DHCR7: variants seen among roughly 807,000 people sequenced by gnomAD.
The protein encoded by DHCR7 is 7-DHC reductase.
DHCR7 carries 40 observed loss-of-function variants against 43.3 expected under a neutral mutation model. That is an observed-to-expected ratio of 0.92 (90% CI 0.72 to 1.20). The LOEUF (loss-of-function observed/expected upper bound fraction) is 1.20. Ranked by LOEUF, DHCR7 falls within the 50% of genes most tolerant of loss-of-function variation. The pLI is 0.00. For synonymous variants in DHCR7, 298 were observed against 271.4 expected, an observed-to-expected ratio of 1.10 and a Z score of -0.96; for missense variants, 608 against 644.6, an observed-to-expected ratio of 0.94 and a Z score of 0.62.
downstream of DHCR7, among the ~76,000 whole-genome samples, chr11:71,427,830 A>G (rs1343469116): frequency 2.0e-5 from 3 of 152,186 alleles, no homozygotes; most frequent in East Asian, 5.8e-4. Context: ...AGCTCATTTG[A>G]GATTAAGCAG....
At chr11:71,439,165 C>T in intron 6 of DHCR7, 82 bp from the exon 7 acceptor site, 1 of 1,394,826 alleles carries the variant, frequency 7.2e-7, no homozygotes, top group South Asian at 1.2e-5. Context: ...GAGAGCCCAG[C>T]ACTGGCCCAG....
At chr11:71,440,799 T>C (rs977718948) in intron 6 of DHCR7, among the ~76,000 whole-genome samples, 2 of 151,834 alleles carry the variant, frequency 1.3e-5, no homozygotes, top group Non-Finnish European at 2.9e-5. Context: ...TGTCCAGCCA[T>C]GGGAATGGGT....
rs183670731 is a variant in DHCR7, at chr11:71,436,524, G to A, written c.964-685C>T. Among the ~76,000 whole-genome samples, 534 of 152,262 alleles carry A rather than the reference G, an allele frequency of 3.5e-3. 4 individuals are homozygous for A. Among genetic ancestry groups the A allele is most frequent in the African/African-American group, 0.012 (488 of 41,552 alleles). ...CTAAAAGTACAAAAATTAGCTGGGCGTGGTGGCATGCACCTGTAATCCCAG... is the reference window on the plus strand; with the variant it reads ...CTAAAAGTACAAAAATTAGCTGGGCATGGTGGCATGCACCTGTAATCCCAG... On this transcript the variant is annotated intron_variant, in intron 8 of 8. Transcript: ENST00000355527.
At chr11:71,438,849 C>A (rs559264290) in intron 7 of DHCR7, 30 bp downstream of exon 7, 1 of 1,609,916 alleles carries the variant, frequency 6.2e-7, no homozygotes, top group East Asian at 2.2e-5. Flanking sequence ...CCGGCATCGG[C>A]GTTTCACCCT....
At chr11:71,440,153 G>A (rs1484579658) in intron 6 of DHCR7, among the ~76,000 whole-genome samples, 1 of 152,108 alleles carries the variant, frequency 6.6e-6, no homozygotes, top group East Asian at 1.9e-4. Flanking sequence ...GGTGTGTTCA[G>A]AAGTGTCACC....
At chr11:71,438,839 C>G in intron 7 of DHCR7, 40 bp downstream of exon 7, 1 of 1,603,144 alleles carries the variant, frequency 6.2e-7, no homozygotes, top group Non-Finnish European at 8.5e-7. Flanking sequence ...CCAGAGCCTG[C>G]CGGCATCGGC....
intron 4 of DHCR7, 108 bp from the exon 5 acceptor site, chr11:71,442,461 CA>C: frequency 1.2e-6 from 1 of 836,928 alleles, no homozygotes; most frequent in Non-Finnish European, 2.0e-6. Context: ...CTTCCTGAAG[CA>C]CTTATGGCTC....
In DHCR7 at chr11:71,437,849, C is replaced by A. The variant is rs1565586046; in HGVS notation, c.926G>T (p.Gly309Val). Reference sequence around the variant, plus strand: ...AAGATAAGGCAGCCAGACACAGTCGCCCCAGCCCAGGTACCACCCGAAGTG... The same window carrying A: ...AAGATAAGGCAGCCAGACACAGTCGACCCAGCCCAGGTACCACCCGAAGTG... Reference protein sequence around the residue: ...HDHFGWYLGWGDCVWLPYLYT... With the variant: ...HDHFGWYLGWVDCVWLPYLYT... The change falls in exon 8 of 9, where the codon GGC becomes GTC. Residue 309 changes from glycine to valine, a missense_variant. Transcript: ENST00000355527. The A allele has an allele frequency of 1.9e-6, 3 of 1,613,996 alleles. No homozygotes were observed. The highest frequency in any genetic ancestry group is 2.2e-5 in the South Asian group (2 of 91,088).
chr11:71,440,672 G>A (rs561087587), intron 6 of DHCR7, among the ~76,000 whole-genome samples: 9 of 146,832 alleles, frequency 6.1e-5, no homozygotes, highest in South Asian at 2.2e-4. Context: ...AATGGGATGG[G>A]GCAATGGGTA....
downstream of DHCR7, among the ~76,000 whole-genome samples, chr11:71,432,887 T>C (rs1034064587): frequency 4.6e-5 from 7 of 152,198 alleles, no homozygotes; most frequent in African/African-American, 1.2e-4. Flanking sequence ...GATTGTTAAA[T>C]GTGGACCAGA....
At chr11:71,441,788 TG>T (rs1052278986) in intron 5 of DHCR7, among the ~76,000 whole-genome samples, 3 of 152,118 alleles carry the variant, frequency 2.0e-5, no homozygotes, top group Non-Finnish European at 2.9e-5. Context: ...CTGTAATTGT[TG>T]GGGAGCACCT....
intron 7 of DHCR7, 123 bp downstream of exon 7, chr11:71,438,756 G>A (rs2135942525): frequency 1.9e-5 from 20 of 1,052,146 alleles, no homozygotes; most frequent in South Asian, 2.7e-5. Context: ...GTGACACCTG[G>A]GGAGGGCAGC....
At chr11:71,430,774 C>T (rs535093267), downstream of DHCR7, among the ~76,000 whole-genome samples, 6 of 152,316 alleles carry the variant, frequency 3.9e-5, no homozygotes, top group African/African-American at 1.4e-4. Context: ...CAAAGTCAGG[C>T]CGTCTCCCCT....
chr11:71,438,495 G>C (rs916975334), intron 7 of DHCR7, among the ~76,000 whole-genome samples: 7 of 152,132 alleles, frequency 4.6e-5, no homozygotes, highest in African/African-American at 1.4e-4. Context: ...GTCAGGATGC[G>C]GGATGTTTCT....
At position 71,435,762 on chromosome 11, in the gene DHCR7, G is replaced by A. The variant is rs1383623620; in HGVS notation, c.1041C>T (p.Gly347=). 5 of 1,610,040 alleles carry A rather than the reference G, an allele frequency of 3.1e-6. No individual in the cohort carries two copies. The highest frequency in any genetic ancestry group is 3.4e-6 in the Non-Finnish European group (4 of 1,177,558). Residue 347 remains glycine (G), a synonymous_variant, in exon 9 of 9, where the codon GGC becomes GGT. Coordinates refer to ENST00000355527, the MANE Select transcript of DHCR7 (RefSeq NM_001360.3). ...GGTTGGCCACCCGGAAGATGTAGTA[G>A]CCCACCAGGCCCAGCAGCAGGACGC... ...AVGVLLLGLV[G]YYIFRVANHQ...
At position 71,442,413 on chromosome 11, in the gene DHCR7, C is replaced by A. The variant is rs11603330; in HGVS notation, c.322-60G>T. 748,892 of 1,167,730 alleles carry A rather than the reference C, an allele frequency of 0.64. 262,629 individuals are homozygous for A. The highest frequency in any genetic ancestry group is 0.75 in the Non-Finnish European group (587,703 of 780,080). 72.3% of individuals were successfully genotyped at this position (1,167,730 alleles called of 1,614,324 possible). ...TGGAGGGCACCTGCAAAGGGGGACGCATAGCAGGAACATGAGAATCACAAT... is the reference window on the plus strand; with the variant it reads ...TGGAGGGCACCTGCAAAGGGGGACGAATAGCAGGAACATGAGAATCACAAT... On this transcript the variant is annotated intron_variant, in intron 4 of 8. Transcript: ENST00000355527.
rs117536118 is a variant in DHCR7, at chr11:71,441,849, T to C, written c.413-409A>G. Among the ~76,000 whole-genome samples the C allele has an allele frequency of 1.4e-4, 21 of 152,262 alleles. 1 individual carries two copies. The East Asian group carries it at 3.7e-3, about 27-fold the overall frequency. On this transcript the variant is annotated intron_variant, in intron 5 of 8. Transcript: ENST00000355527. ...GGAGCTTCTGGGGGCAGAGTTGGGA[T>C]GCGGTTCCAGTCTGCACCCACGTGA...
chr11:71,444,146 G>T lies in DHCR7; in HGVS notation c.168C>A (p.Tyr56Ter), dbSNP rs1178953604. 1.2e-6 allele frequency: 2 copies of T among 1,611,574 alleles called. No individual in the cohort carries two copies. The highest frequency in any genetic ancestry group is 2.7e-5 in the African/African-American group (2 of 74,918). ...TGTACTGGTCACAAGCCATGATGAA[G>T]TAGTAGACGATGAAGGGGGCGAACA... ...LLLFAPFIVY[Y>*]FIMACDQYSC... The change falls in exon 4 of 9, where the codon TAC (tyrosine) becomes TAA (stop). Residue 56 changes from tyrosine (Y) to a stop codon, truncating the protein, a stop_gained. Transcript: ENST00000355527. LOFTEE classifies it high-confidence loss of function.
Position 71,435,305 on chromosome 11 carries a change from T to C in DHCR7, c.*70A>G, listed in dbSNP as rs1282938298. The C allele has an allele frequency of 6.5e-7, 1 of 1,530,490 alleles. No homozygotes were observed. Among genetic ancestry groups the C allele is most frequent in the Non-Finnish European group, 9.0e-7 (1 of 1,114,424 alleles). The allele number at this position is 1,530,490 out of a possible 1,614,324, so 94.8% of individuals were successfully genotyped here. A position where few individuals can be genotyped will look rare whatever the true frequency, so the allele number is the denominator to read the frequency against. On this transcript the variant is annotated 3_prime_UTR_variant, in exon 9 of 9. Transcript: ENST00000355527. ...GAGGCTCCTCGAGTTGGAGCTGGGA[T>C]GCCAGCCCCCATGGACCTGGCAGAA... is the stretch of plus-strand genomic sequence containing the variant.
Sources: allele counts gnomAD v4.1 joint callset (sites outside exome capture counted in the v4.1 genomes callset), GRCh38; gene constraint gnomAD v4.1.1; transcripts MANE v1.5; gene names NCBI Gene and HGNC (gene_info 2026-07-23, HGNC 2026-07-21).